Variants in NEK7 observed in about 807,000 individuals in gnomAD.
The protein encoded by NEK7 is NIMA related kinase 7.
NEK7 carries 18 observed loss-of-function variants against 44.6 expected under a neutral mutation model. The observed-to-expected ratio is 0.40, with a 90% CI of 0.28 to 0.60. The LOEUF is 0.60. Ranked by LOEUF, NEK7 falls within the 20% of genes least tolerant of loss-of-function variation. The probability of loss-of-function intolerance (pLI) is 0.38; values close to 1 mark genes in which losing one functional copy is unlikely to be tolerated. For missense variants in NEK7, 256 were observed against 366.5 expected (o/e 0.70, Z 2.46); for synonymous variants, 130 against 121.1 (o/e 1.07, Z -0.48).
chr1:198,242,708 C>T (rs1475148491), intron 2 of NEK7, among the ~76,000 whole-genome samples: 2 of 151,624 alleles, frequency 1.3e-5, no homozygotes, highest in East Asian at 1.9e-4. Flanking sequence ...GTGATCCACC[C>T]GCCTCGGCCC....
chr1:198,288,281 T>C (rs1654440892), intron 7 of NEK7, among the ~76,000 whole-genome samples: 1 of 152,242 alleles, frequency 6.6e-6, no homozygotes, highest in African/African-American at 2.4e-5. Flanking sequence ...AAGGAGCTAT[T>C]ATCTAATTTT....
intron 2 of NEK7, among the ~76,000 whole-genome samples, chr1:198,236,014 T>A (rs760722195): frequency 2.6e-5 from 4 of 152,138 alleles, no homozygotes; most frequent in Non-Finnish European, 4.4e-5. Context: ...TGTAATCCAT[T>A]TACTATTTTG....
At chr1:198,269,933 C>G (rs533851176) in intron 5 of NEK7, among the ~76,000 whole-genome samples, 6 of 152,024 alleles carry the variant, frequency 3.9e-5, no homozygotes, top group African/African-American at 1.4e-4. Context: ...AAAGGAAAAT[C>G]GACTCTTACA....
At chr1:198,175,865 T>C (rs1387185256) in intron 1 of NEK7, among the ~76,000 whole-genome samples, 1 of 152,220 alleles carries the variant, frequency 6.6e-6, no homozygotes, top group Non-Finnish European at 1.5e-5. Context: ...GTGTGCTGCT[T>C]AAAACTCTTG....
chr1:198,319,372 G>A (rs372345717), intron 9 of NEK7, 40 bp from the exon 10 acceptor site: 2 of 1,423,250 alleles, frequency 1.4e-6, no homozygotes, highest in African/African-American at 2.9e-5. Context: ...ACCAAAAATA[G>A]TTGTCTTAAT....
chr1:198,280,552 G>A (rs1168702493), intron 7 of NEK7, among the ~76,000 whole-genome samples: 1 of 151,886 alleles, frequency 6.6e-6, no homozygotes, highest in Non-Finnish European at 1.5e-5. Flanking sequence ...ACTGCCTCTT[G>A]TAAAAGTTCT....
chr1:198,252,674 A>G (rs979797028), intron 2 of NEK7, among the ~76,000 whole-genome samples: 2 of 126,390 alleles, frequency 1.6e-5, no homozygotes, highest in East Asian at 5.4e-4. Flanking sequence ...ATATTAAAAC[A>G]TATGTATGTT....
chr1:198,262,815 T>A (rs887210425), intron 4 of NEK7, among the ~76,000 whole-genome samples, 178 bp downstream of exon 4: 1 of 151,932 alleles, frequency 6.6e-6, no homozygotes, highest in African/African-American at 2.4e-5. Flanking sequence ...GGATTTATTG[T>A]TAAATAACAT....
At chr1:198,273,248 A>G (rs1653909214) in intron 5 of NEK7, among the ~76,000 whole-genome samples, 1 of 151,748 alleles carries the variant, frequency 6.6e-6, no homozygotes, top group Admixed American at 6.6e-5. Context: ...TTCTAATGCA[A>G]CTTAAGATAT....
intron 3 of NEK7, chr1:198,256,445 G>A (rs1005941121): frequency 6.2e-7 from 1 of 1,607,976 alleles, no homozygotes. Context: ...CAATCTTTTT[G>A]AAAATTTACC....
intron 3 of NEK7, among the ~76,000 whole-genome samples, 173 bp downstream of exon 3, chr1:198,253,353 T>C (rs184979500): frequency 7.4e-4 from 112 of 152,262 alleles, no homozygotes; most frequent in Non-Finnish European, 8.5e-4. Context: ...GTGGAAATAT[T>C]AGTTTTAACA....
chr1:198,301,442 C>T (rs909714205), intron 9 of NEK7, among the ~76,000 whole-genome samples: 9 of 152,056 alleles, frequency 5.9e-5, no homozygotes, highest in Non-Finnish European at 8.8e-5. Context: ...CCCAGCTACT[C>T]GGGAGGCTGA....
At chr1:198,249,150 T>C (rs1054664117) in intron 2 of NEK7, among the ~76,000 whole-genome samples, 11 of 151,248 alleles carry the variant, frequency 7.3e-5, no homozygotes, top group African/African-American at 2.7e-4. Flanking sequence ...GTTTGGTTTT[T>C]TGTTCTTGCG....
chr1:198,318,906 A>C (rs1270734269), intron 9 of NEK7, among the ~76,000 whole-genome samples: 1 of 152,082 alleles, frequency 6.6e-6, no homozygotes, highest in Non-Finnish European at 1.5e-5. Flanking sequence ...ATTAGTTTAA[A>C]GGAGTGTTTT....
intron 9 of NEK7, among the ~76,000 whole-genome samples, chr1:198,305,132 A>T (rs1231166550): frequency 3.3e-5 from 5 of 152,064 alleles, no homozygotes; most frequent in Non-Finnish European, 5.9e-5. Context: ...TATTCTTATT[A>T]ATGTTGTAAT....
chr1:198,283,153 C>A (rs1186714618), intron 7 of NEK7, among the ~76,000 whole-genome samples: 1 of 152,088 alleles, frequency 6.6e-6, no homozygotes, highest in East Asian at 1.9e-4. Context: ...AAAGACAGGG[C>A]TGGATGTAGG....
chr1:198,313,915 A>C (rs1043507059), intron 9 of NEK7, among the ~76,000 whole-genome samples: 2 of 151,694 alleles, frequency 1.3e-5, no homozygotes, highest in African/African-American at 2.4e-5. Context: ...TGTGTCTTGG[A>C]GTTGCTCTTC....
chr1:198,252,996 G>C, intron 2 of NEK7, 44 bp from the exon 3 acceptor site: 2 of 1,549,080 alleles, frequency 1.3e-6, no homozygotes, highest in East Asian at 4.5e-5. Context: ...TGTATTGCGT[G>C]TATATTGTGT....
intron 7 of NEK7, among the ~76,000 whole-genome samples, chr1:198,288,570 T>A (rs1230007470): frequency 6.6e-6 from 1 of 152,208 alleles, no homozygotes; most frequent in African/African-American, 2.4e-5. Flanking sequence ...GAATTCCAGG[T>A]CTACAGCTTA....
Sources: allele counts gnomAD v4.1 joint callset (sites outside exome capture counted in the v4.1 genomes callset), GRCh38; gene constraint gnomAD v4.1.1; transcripts MANE v1.5; gene names NCBI Gene and HGNC (gene_info 2026-07-23, HGNC 2026-07-21).